PCNT: variants seen among roughly 807,000 people sequenced by gnomAD.
PCNT encodes pericentrin.
A neutral mutation model predicts 380.4 loss-of-function variants in PCNT; 319 were observed. That is an observed-to-expected ratio of 0.84 (90% CI 0.77 to 0.92). PCNT has a LOEUF of 0.92. Among genes scored for constraint, PCNT ranks in the 40% least tolerant of loss-of-function variants. The probability of loss-of-function intolerance (pLI) is 0.00; values close to 1 mark genes in which losing one functional copy is unlikely to be tolerated. For missense variants in PCNT, 4,400 were observed against 4,255.3 expected (o/e 1.03, Z -0.95); for synonymous variants, 1,845 against 1,735.2 (o/e 1.06, Z -1.57).
rs2147668953 is a variant in PCNT, at chr21:46,411,472, A to G, written c.5399A>G (p.Glu1800Gly). The change falls in exon 28 of 47, where the codon GAG (glutamate) becomes GGG (glycine). Residue 1800 changes from glutamate (E) to glycine (G), a missense_variant. Transcript: ENST00000359568. ...CTCGAGGCTGCGCTGGAAGCCAAGG[A>G]GGCCCTGAGCCGGCTGCTGGCTGAC... The part of the protein sequence containing the change: ...GELEAALEAK[E>G]ALSRLLADQE... The G allele has an allele frequency of 6.2e-7, 1 of 1,610,284 alleles. No individual in the cohort carries two copies. Among genetic ancestry groups the G allele is most frequent in the South Asian group, 1.1e-5 (1 of 90,950 alleles).
At position 46,353,126 on chromosome 21, in the gene PCNT, G is replaced by A. The variant is rs199864153; in HGVS notation, c.1479G>A (p.Ala493=). The A allele has an allele frequency of 3.3e-5, 54 of 1,613,870 alleles. No homozygotes were observed. The highest frequency in any genetic ancestry group is 2.4e-4 in the East Asian group (11 of 44,898). Reference sequence around the variant, plus strand: ...CAGAGCTACATGAGCAACTCCTGGCGCGCACCTCTCGTGTGGAAGATTTAG... The same window carrying A: ...CAGAGCTACATGAGCAACTCCTGGCACGCACCTCTCGTGTGGAAGATTTAG... ...ELSELHEQLL[A]RTSRVEDLEQ... Residue 493 remains alanine (A), a synonymous_variant, in exon 10 of 47, where the codon GCG becomes GCA. Transcript: ENST00000359568.
intron 30 of PCNT, 62 bp from the exon 31 acceptor site, chr21:46,418,142 C>A: frequency 2.8e-6 from 3 of 1,066,594 alleles, no homozygotes; most frequent in East Asian, 2.4e-5. Flanking sequence ...TTTCACCTGG[C>A]AAAGTCAGCG....
At position 46,351,497 on chromosome 21, in the gene PCNT, G is replaced by T. The variant is rs2084270355; in HGVS notation, c.1413G>T (p.Trp471Cys). Residue 471 changes from tryptophan to cysteine, a missense_variant, in exon 9 of 47, where the codon TGG becomes TGT. Trp to Cys is a radical substitution (Grantham distance 215, BLOSUM62 -2). Transcript: ENST00000359568. ...CACAAGAAGAGATCAGGCGCTTGTG[G>T]TCCCAGCTTGATTCTGCCAGGACCA... ...AQSQEEIRRL[W>C]SQLDSARTSR... 1 of 1,612,972 alleles carries T rather than the reference G, an allele frequency of 6.2e-7. No homozygotes were observed. Among genetic ancestry groups the T allele is most frequent in the Non-Finnish European group, 8.5e-7 (1 of 1,178,936 alleles).
At chr21:46,338,930 G>A (rs2083836352) in intron 3 of PCNT, among the ~76,000 whole-genome samples, 1 of 152,094 alleles carries the variant, frequency 6.6e-6, no homozygotes. Context: ...ACAGGTGCAT[G>A]CCACTATCAC....
intron 38 of PCNT, among the ~76,000 whole-genome samples, chr21:46,433,090 G>A (rs1025489063): frequency 3.3e-5 from 5 of 152,160 alleles, no homozygotes; most frequent in African/African-American, 1.2e-4. Flanking sequence ...GAATAGAAGG[G>A]ATGAGAGCAG....
intron 13 of PCNT, among the ~76,000 whole-genome samples, chr21:46,360,916 G>A (rs2146811950): frequency 6.6e-6 from 1 of 152,248 alleles, no homozygotes; most frequent in African/African-American, 2.4e-5. Flanking sequence ...GGTTGATTTA[G>A]GTCTTCCGTT....
rs2085934929 is a variant in PCNT, at chr21:46,388,905, T to A, written c.3607+21T>A. 1 of 1,578,170 alleles carries A rather than the reference T, an allele frequency of 6.3e-7. No individual in the cohort carries two copies. The highest frequency in any genetic ancestry group is 1.3e-5 in the African/African-American group (1 of 74,502). The stretch of plus-strand genomic sequence containing the variant: ...GACAGGTGAGTGTGCCGGGACCAGC[T>A]GCCCAGCCCTGTGCTTGCAGCCCCT... On this transcript the variant is annotated intron_variant, in intron 18 of 46. Coordinates refer to ENST00000359568, the MANE Select transcript of PCNT (RefSeq NM_006031.6). This position sits in a 1 kb window ranked among gnomAD's most constrained non-coding sequence, Gnocchi z 4.2.
At chr21:46,398,880 C>T (rs11700538) in intron 24 of PCNT, among the ~76,000 whole-genome samples, 26,635 of 142,862 alleles carry the variant, frequency 0.19, 2,904 homozygotes, top group East Asian at 0.44. Flanking sequence ...AGTGCAGTGG[C>T]GCGATCTCAG....
chr21:46,373,729 C>G (rs1001086003), intron 15 of PCNT, among the ~76,000 whole-genome samples: 1 of 63,112 alleles, frequency 1.6e-5, no homozygotes, highest in East Asian at 4.5e-4. Context: ...CCAGCCTTAG[C>G]TTTTTTTTTT....
rs1227844327 is a variant in PCNT, at chr21:46,368,560, C to T, written c.3165+1421C>T. Among the ~76,000 whole-genome samples, 3 of 152,236 alleles carry T rather than the reference C, an allele frequency of 2.0e-5. No homozygotes were observed. In the South Asian group the frequency reaches 6.2e-4, roughly 31 times the overall value. The stretch of plus-strand genomic sequence containing the variant: ...CTGGGCTGGCGCCTGACTGCAGAAG[C>T]TGCAGTGCCTGTGACTCAGGAAAGG... On this transcript the variant is annotated intron_variant, in intron 15 of 46. Coordinates refer to ENST00000359568, the MANE Select transcript of PCNT (RefSeq NM_006031.6).
At chr21:46,332,177 A>G (rs1392258913) in intron 2 of PCNT, among the ~76,000 whole-genome samples, 1 of 152,206 alleles carries the variant, frequency 6.6e-6, no homozygotes, top group African/African-American at 2.4e-5. Context: ...AAAGAGAACC[A>G]TCCAAAAATT....
At chr21:46,441,426 C>T (rs1485814852) in intron 43 of PCNT, among the ~76,000 whole-genome samples, 1 of 152,184 alleles carries the variant, frequency 6.6e-6, no homozygotes, top group Non-Finnish European at 1.5e-5. Flanking sequence ...CTCCCTGATG[C>T]CACAGAGGTG....
chr21:46,349,299 A>C, intron 7 of PCNT, 113 bp downstream of exon 7: 1 of 929,554 alleles, frequency 1.1e-6, no homozygotes, highest in Non-Finnish European at 1.8e-6. Flanking sequence ...TACCTTCTAA[A>C]TGCTGGATGG....
rs994787789 is a variant in PCNT at position 46,356,754 on chromosome 21, G to A, written c.1937-220G>A. Among the ~76,000 whole-genome samples, 13 of 152,254 alleles carry A rather than the reference G, an allele frequency of 8.5e-5. No homozygotes were observed. In the East Asian group the frequency reaches 2.1e-3, roughly 25 times the overall value. On this transcript the variant is annotated intron_variant, in intron 12 of 46. Transcript: ENST00000359568. Reference sequence around the variant, plus strand: ...TGGGCCCAGGACATCCCTGTGACTCGGGACGGCACTGTGCTGGGGCAGCAT... The same window carrying A: ...TGGGCCCAGGACATCCCTGTGACTCAGGACGGCACTGTGCTGGGGCAGCAT...
Position 46,431,951 on chromosome 21 carries a change from C to T in PCNT, c.8487C>T (p.His2829=), listed in dbSNP as rs750533864. The T allele has an allele frequency of 1.2e-6, 2 of 1,614,072 alleles. No homozygotes were observed. Among genetic ancestry groups the T allele is most frequent in the South Asian group, 1.1e-5 (1 of 91,088 alleles). Residue 2829 remains histidine (H), a synonymous_variant, in exon 38 of 47, where the codon CAC becomes CAT. Transcript: ENST00000359568. ...AGCTTGAGGCTGAGGCTCAGAAGCACTGTGAGGCGCTCAGGAGAGAGAAGG... is the reference window on the plus strand; with the variant it reads ...AGCTTGAGGCTGAGGCTCAGAAGCATTGTGAGGCGCTCAGGAGAGAGAAGG... ...QQQLEAEAQK[H]CEALRREKEV...
At chr21:46,396,833 C>T (rs1198101476) in intron 21 of PCNT, among the ~76,000 whole-genome samples, 5 of 152,162 alleles carry the variant, frequency 3.3e-5, no homozygotes, top group East Asian at 1.9e-4. Flanking sequence ...AAACTCCTGA[C>T]GTCGAGTGAT....
intron 29 of PCNT, 124 bp downstream of exon 29, chr21:46,413,116 T>C (rs1432600714): frequency 5.8e-6 from 3 of 513,854 alleles, no homozygotes; most frequent in African/African-American, 4.6e-5. Flanking sequence ...CAGCAAGGTG[T>C]GGGGAGCGGG....
chr21:46,357,244 C>T, intron 13 of PCNT, 53 bp downstream of exon 13: 1 of 1,277,180 alleles, frequency 7.8e-7, no homozygotes, highest in Non-Finnish European at 1.1e-6. Context: ...TTGCTCTCTT[C>T]CACCTGGAAG....
chr21:46,394,698 C>A (rs2086150112), intron 21 of PCNT, among the ~76,000 whole-genome samples: 1 of 152,180 alleles, frequency 6.6e-6, no homozygotes, highest in Non-Finnish European at 1.5e-5. Context: ...TGGAGTTGTC[C>A]CATTTTAACG....
Sources: gnomAD v4.1 joint callset for allele counts (sites outside exome capture counted in the v4.1 genomes callset) on GRCh38, gnomAD v4.1.1 for gene constraint, Gnocchi (gnomAD v3.1) non-coding constraint, MANE v1.5 for transcripts, NCBI Gene and HGNC (gene_info 2026-07-23, HGNC 2026-07-21) for gene names.